KDM5B: variants seen among roughly 807,000 people sequenced by gnomAD.
KDM5B encodes lysine demethylase 5B, also known as lysine-specific demethylase 5B.
A neutral mutation model predicts 193.4 loss-of-function variants in KDM5B; 144 were observed. The observed-to-expected ratio is 0.74, with a 90% CI of 0.65 to 0.86. The LOEUF (loss-of-function observed/expected upper bound fraction) is 0.86, where lower values mean the gene tolerates loss of function less well. Ranked by LOEUF, KDM5B falls within the 40% of genes least tolerant of loss-of-function variation. The probability of loss-of-function intolerance (pLI) is 0.00; values close to 1 mark genes in which losing one functional copy is unlikely to be tolerated. For missense variants in KDM5B, 1,833 were observed against 1,886.9 expected (o/e 0.97, Z 0.53); for synonymous variants, 668 against 682.6 (o/e 0.98, Z 0.33).
At chr1:202,753,673 T>A (rs951140277) in intron 11 of KDM5B, among the ~76,000 whole-genome samples, 3 of 115,648 alleles carry the variant, frequency 2.6e-5, no homozygotes, top group African/African-American at 8.1e-5. Flanking sequence ...TGTTTTTTTT[T>A]TGTTTTTTTT....
chr1:202,729,255 G>T, intron 26 of KDM5B, 82 bp from the exon 27 acceptor site: 1 of 1,523,372 alleles, frequency 6.6e-7, no homozygotes, highest in Non-Finnish European at 9.0e-7. Flanking sequence ...AAGAAATTCA[G>T]GCCGTTTGCC....
At chr1:202,776,680 G>C (rs549112018) in intron 2 of KDM5B, among the ~76,000 whole-genome samples, 52 of 152,034 alleles carry the variant, frequency 3.4e-4, no homozygotes, top group Non-Finnish European at 6.3e-4. Context: ...ACCCACCTCA[G>C]CCTCCCGAGT....
chr1:202,736,293 G>C lies in KDM5B; in HGVS notation c.3184C>G (p.Leu1062Val), dbSNP rs1655091304. 1 of 1,612,814 alleles carries C rather than the reference G, an allele frequency of 6.2e-7. No individual in the cohort carries two copies. The highest frequency in any genetic ancestry group is 8.5e-7 in the Non-Finnish European group (1 of 1,179,380). ...TTCCAAGCCTGAACCTCAGCTACTA[G>C]GGTTTCCAGTCTTGGCAAAGAATTC... ...HLNSLPRLET[L>V]VAEVQAWKEC... Residue 1062 changes from leucine (L) to valine (V), a missense_variant, in exon 21 of 27, where the codon CTA becomes GTA. Coordinates refer to ENST00000367265, the MANE Select transcript of KDM5B (RefSeq NM_006618.5).
rs1239331906 is a variant in KDM5B, at chr1:202,725,690, T to C, written c.*3346A>G. The C allele has an allele frequency of 6.6e-6, 1 of 152,240 alleles. No individual in the cohort carries two copies. The highest frequency in any genetic ancestry group is 6.5e-5 in the Admixed American group (1 of 15,288). The allele number at this position is 152,240 out of a possible 1,614,324, so 9.4% of individuals were successfully genotyped here. Reference sequence around the variant, plus strand: ...ATGGCAAGGAAAGACTATTTTAATATAGGCTGACACTAGCATGGACTAGTA... The same window carrying C: ...ATGGCAAGGAAAGACTATTTTAATACAGGCTGACACTAGCATGGACTAGTA... On this transcript the variant is annotated 3_prime_UTR_variant, in exon 27 of 27. Transcript: ENST00000367265.
At chr1:202,807,625 C>T (rs894352398) in intron 1 of KDM5B, among the ~76,000 whole-genome samples, 1 of 151,780 alleles carries the variant, frequency 6.6e-6, no homozygotes, top group East Asian at 2.0e-4. Context: ...TTCCTCCTCG[C>T]ACGACAACTC....
At chr1:202,744,282 G>A (rs768928764) in intron 16 of KDM5B, among the ~76,000 whole-genome samples, 13 of 152,138 alleles carry the variant, frequency 8.5e-5, no homozygotes, top group East Asian at 1.9e-4. Flanking sequence ...ATGAAAGGCC[G>A]GGCGCAGTGG....
intron 20 of KDM5B, among the ~76,000 whole-genome samples, chr1:202,738,824 A>G (rs747257457): frequency 6.6e-6 from 1 of 152,230 alleles, no homozygotes; most frequent in Non-Finnish European, 1.5e-5. Context: ...AAATCATATT[A>G]AAGAATGAAT....
Position 202,808,146 on chromosome 1 carries a change from G to A in KDM5B, c.160C>T (p.Pro54Ser), listed in dbSNP as rs1658388635. Residue 54 changes from proline (P) to serine (S), a missense_variant, in exon 1 of 27, where the codon CCC becomes TCC. By Grantham distance (74) the Pro-to-Ser change is moderately conservative. Transcript: ENST00000367265. Reference protein sequence around the residue: ...DPFAFIHKIRPIAEQTGICKV... With the variant: ...DPFAFIHKIRSIAEQTGICKV... ...CAGATGCCAGTCTGCTCGGCTATGG[G>A]CCGGATCTTGTGGATGAAAGCGAAG... is the stretch of plus-strand genomic sequence containing the variant. 5 of 1,613,146 alleles carry A rather than the reference G, an allele frequency of 3.1e-6. No homozygotes were observed. Among genetic ancestry groups the A allele is most frequent in the Non-Finnish European group, 2.5e-6 (3 of 1,179,556 alleles).
intron 1 of KDM5B, among the ~76,000 whole-genome samples, chr1:202,778,288 A>G (rs1657046548): frequency 6.6e-6 from 1 of 151,876 alleles, no homozygotes; most frequent in Non-Finnish European, 1.5e-5. Flanking sequence ...CAGACAATTA[A>G]ATATATATAT....
chr1:202,797,097 T>G (rs1410361242), intron 1 of KDM5B: 1 of 152,254 alleles, frequency 6.6e-6, no homozygotes, highest in Non-Finnish European at 1.5e-5. Flanking sequence ...ATCTGGGCCA[T>G]TCAAAGGGGC....
intron 19 of KDM5B, among the ~76,000 whole-genome samples, chr1:202,741,144 C>G (rs1655320426): frequency 1.3e-5 from 2 of 152,132 alleles, no homozygotes; most frequent in Non-Finnish European, 2.9e-5. Flanking sequence ...AAAGGTGTGT[C>G]CAATTGAATT....
rs1425044386 is a variant in KDM5B, at chr1:202,745,974, T to C, written c.2207A>G (p.Tyr736Cys). 6.2e-7 allele frequency: 1 copy of C among 1,613,774 alleles called. No individual in the cohort carries two copies. Among genetic ancestry groups the C allele is most frequent in the Non-Finnish European group, 8.5e-7 (1 of 1,179,784 alleles). Reference protein sequence around the residue: ...PPYKYKLRYRYTLDDLYPMMN... With the variant: ...PPYKYKLRYRCTLDDLYPMMN... Reference sequence around the variant, plus strand: ...CATAGGGTAGAGATCATCCAGCGTGTACCTATACCTGGAAATAATACCACC... The same window carrying C: ...CATAGGGTAGAGATCATCCAGCGTGCACCTATACCTGGAAATAATACCACC... Residue 736 changes from tyrosine (Y) to cysteine (C), a missense_variant, in exon 16 of 27, where the codon TAC (tyrosine) becomes TGC (cysteine). Around this residue, in one of 3 missense-constraint regions of KDM5B, gnomAD observed 1,379 missense variants for 1,349.6 expected, o/e 1.02. Transcript: ENST00000367265.
chr1:202,740,451 G>A (rs556680236), intron 20 of KDM5B, among the ~76,000 whole-genome samples: 2 of 97,234 alleles, frequency 2.1e-5, no homozygotes, highest in African/African-American at 3.2e-5. Flanking sequence ...CTGGCCGGGC[G>A]GGGGGCTGAC....
chr1:202,753,115 C>A (rs1201945091), intron 11 of KDM5B, 48 bp from the exon 12 acceptor site: 3 of 1,515,204 alleles, frequency 2.0e-6, no homozygotes, highest in African/African-American at 2.8e-5. Context: ...CCAACACAAA[C>A]AAAATGGGTT....
intron 1 of KDM5B, among the ~76,000 whole-genome samples, chr1:202,777,905 G>T (rs1317805498): frequency 1.3e-5 from 2 of 152,078 alleles, no homozygotes; most frequent in Admixed American, 6.6e-5. Context: ...GCCGGGCAAG[G>T]TGGCTCAACC....
Position 202,755,287 on chromosome 1 carries a change from T to A in KDM5B, c.1522A>T (p.Ile508Phe). The A allele has an allele frequency of 6.2e-7, 1 of 1,614,090 alleles. No homozygotes were observed. Among genetic ancestry groups the A allele is most frequent in the Non-Finnish European group, 8.5e-7 (1 of 1,179,956 alleles). ...WHIEDHWSYS[I>F]NYLHWGEPKT... is the part of the protein sequence containing the mutation. ...ACTTCTCACCAGTGCAAGTAGTTAA[T>A]TGAATAGCTCCAGTGGTCTTCAATG... Residue 508 changes from isoleucine to phenylalanine, a missense_variant, in exon 11 of 27, where the codon ATT (isoleucine) becomes TTT (phenylalanine). Ile to Phe is a conservative substitution (Grantham distance 21). Around this residue, in one of 3 missense-constraint regions of KDM5B, gnomAD observed 1,379 missense variants for 1,349.6 expected, o/e 1.02. Coordinates refer to ENST00000367265, the MANE Select transcript of KDM5B (RefSeq NM_006618.5).
chr1:202,728,776 C>CA lies in KDM5B; in HGVS notation c.*259dup, dbSNP rs920630793. On this transcript the variant is annotated 3_prime_UTR_variant, in exon 27 of 27. Transcript: ENST00000367265. Reference sequence around the variant, plus strand: ...CCTTCCAAATTGGTGGGAACCCCTGCAAAAAAAACAGTCAGCTTTTCAAAC... The same window carrying CA: ...CCTTCCAAATTGGTGGGAACCCCTGCAAAAAAAAACAGTCAGCTTTTCAAAC... 184 of 363,442 alleles carry CA rather than the reference C, an allele frequency of 5.1e-4. No homozygotes were observed. Among genetic ancestry groups the CA allele is most frequent in the South Asian group, 6.7e-4 (17 of 25,410 alleles). 22.5% of individuals were successfully genotyped at this position (363,442 alleles called of 1,614,324 possible).
chr1:202,799,444 G>A (rs767513569), intron 1 of KDM5B, among the ~76,000 whole-genome samples: 1 of 152,054 alleles, frequency 6.6e-6, no homozygotes, highest in Non-Finnish European at 1.5e-5. Context: ...ACCTGAGGTC[G>A]GGAGTTCGAG....
At chr1:202,778,463 C>T (rs1657054489) in intron 1 of KDM5B, among the ~76,000 whole-genome samples, 1 of 151,980 alleles carries the variant, frequency 6.6e-6, no homozygotes, top group Non-Finnish European at 1.5e-5. Flanking sequence ...AATGGCTGTA[C>T]AGCAATGTAA....
Sources: gnomAD v4.1 joint callset for allele counts (sites outside exome capture counted in the v4.1 genomes callset) on GRCh38, gnomAD v4.1.1 for gene constraint, gnomAD v4.1.1 regional missense constraint, MANE v1.5 for transcripts, NCBI Gene and HGNC (gene_info 2026-07-23, HGNC 2026-07-21) for gene names.